Variants in RO60 observed in about 807,000 individuals in gnomAD.
The protein encoded by RO60 is Ro60, Y RNA binding protein, also known as RNA-binding protein RO60.
RO60 carries 20 observed loss-of-function variants against 55.3 expected under a neutral mutation model. The ratio of observed to expected loss-of-function variants is 0.36; its 90% CI spans 0.25 to 0.53. The LOEUF is 0.53. Ranked by LOEUF, RO60 falls within the 20% of genes least tolerant of loss-of-function variation. The pLI, the probability that RO60 is intolerant of heterozygous loss-of-function variation, is 0.92. For missense variants in RO60, 558 were observed against 646.6 expected (o/e 0.86, Z 1.49); for synonymous variants, 213 against 213.6 (o/e 1.00, Z 0.02).
chr1:193,072,750 T>C (rs1475363268), intron 2 of RO60, among the ~76,000 whole-genome samples: 2 of 152,220 alleles, frequency 1.3e-5, no homozygotes, highest in African/African-American at 4.8e-5. Context: ...GACCGCCCAT[T>C]ACTAGTTCTA....
chr1:193,075,737 CAT>C (rs1673865136), intron 2 of RO60, 81 bp from the exon 3 acceptor site: 1 of 995,054 alleles, frequency 1.0e-6, no homozygotes, highest in Admixed American at 2.4e-5. Flanking sequence ...TTATGTTGAT[CAT>C]ATAATGCATT....
chr1:193,070,657 A>G lies in RO60; in HGVS notation c.580+1023A>G, dbSNP rs1408330456. The G allele has an allele frequency of 9.7e-5, 40 of 412,224 alleles. 1 individual carries two copies. In the Admixed American group the frequency reaches 1.0e-3, roughly 11 times the overall value. 25.5% of individuals were successfully genotyped at this position (412,224 alleles called of 1,614,324 possible). On this transcript the variant is annotated intron_variant, in intron 2 of 8. Coordinates refer to ENST00000400968, the MANE Select transcript of RO60 (RefSeq NM_001173524.2). The stretch of plus-strand genomic sequence containing the variant: ...GAGTTTCTGACCTTCATCTATTAAA[A>G]GGAGGGTAAGGAGAATAAGCTTACA...
intron 6 of RO60, among the ~76,000 whole-genome samples, 185 bp downstream of exon 6, chr1:193,081,665 TG>T (rs1273915899): frequency 6.6e-6 from 1 of 152,146 alleles, no homozygotes; most frequent in Non-Finnish European, 1.5e-5. Flanking sequence ...TGAAAAAGTA[TG>T]TCTAAAGAAC....
intron 2 of RO60, among the ~76,000 whole-genome samples, chr1:193,075,258 AT>A (rs934008332): frequency 2.3e-4 from 34 of 149,098 alleles, no homozygotes; most frequent in Middle Eastern, 3.6e-3. Context: ...ATTGGAAGAA[AT>A]TGTGGAGGAA....
At position 193,089,498 on chromosome 1, in the gene RO60, T is replaced by G. The variant is rs936546381; in HGVS notation, c.*4767T>G. ...ATTCTAAGGTAGTATTTTTCATGTATAAAACTAATAATGTAGTTAAGCATA... is the reference window on the plus strand; with the variant it reads ...ATTCTAAGGTAGTATTTTTCATGTAGAAAACTAATAATGTAGTTAAGCATA... On this transcript the variant is annotated 3_prime_UTR_variant, in exon 9 of 9. Transcript: ENST00000400968. 7 of 152,176 alleles carry G rather than the reference T, an allele frequency of 4.6e-5. No individual in the cohort carries two copies. Among genetic ancestry groups the G allele is most frequent in the Non-Finnish European group, 1.0e-4 (7 of 68,012 alleles). 9.4% of individuals were successfully genotyped at this position (152,176 alleles called of 1,614,324 possible). A position where few individuals can be genotyped will look rare whatever the true frequency, so the allele number is the denominator to read the frequency against.
chr1:193,072,792 A>G (rs1196198853), intron 2 of RO60, among the ~76,000 whole-genome samples: 2 of 152,192 alleles, frequency 1.3e-5, no homozygotes, highest in Admixed American at 6.5e-5. Flanking sequence ...ACTTGTGAAA[A>G]TAATTATTCT....
At chr1:193,084,451 C>A (rs1432096951) in intron 8 of RO60, 128 bp from the exon 9 acceptor site, 1 of 1,078,088 alleles carries the variant, frequency 9.3e-7, no homozygotes, top group Non-Finnish European at 1.3e-6. Context: ...AAAGATTGAC[C>A]CCCGCAAAAA....
intron 2 of RO60, among the ~76,000 whole-genome samples, chr1:193,074,986 C>T (rs1673805026): frequency 6.6e-6 from 1 of 152,154 alleles, no homozygotes; most frequent in African/African-American, 2.4e-5. Flanking sequence ...TTCTCAAACC[C>T]CTGACCTCAG....
chr1:193,061,934 A>G (rs1348300205), intron 1 of RO60, among the ~76,000 whole-genome samples: 1 of 151,756 alleles, frequency 6.6e-6, no homozygotes, highest in African/African-American at 2.4e-5. Context: ...CAGTGAGTGG[A>G]GATCGCGCCA....
intron 1 of RO60, among the ~76,000 whole-genome samples, chr1:193,065,939 A>G (rs989718312): frequency 1.3e-5 from 2 of 152,078 alleles, no homozygotes; most frequent in Non-Finnish European, 2.9e-5. Flanking sequence ...TCATTCTCCC[A>G]TGCACTTATC....
chr1:193,062,491 G>C (rs547555435), intron 1 of RO60, among the ~76,000 whole-genome samples: 1 of 152,270 alleles, frequency 6.6e-6, no homozygotes, highest in African/African-American at 2.4e-5. Context: ...TACCTGGCTA[G>C]TTTATGTTTG....
At position 193,085,195 on chromosome 1, in the gene RO60, T is replaced by C; in HGVS notation, c.*464T>C. 1 of 1,209,960 alleles carries C rather than the reference T, an allele frequency of 8.3e-7. No homozygotes were observed. Among genetic ancestry groups the C allele is most frequent in the South Asian group, 4.0e-5 (1 of 25,288 alleles). 75.0% of individuals were successfully genotyped at this position (1,209,960 alleles called of 1,614,324 possible). ...TGTGATGAAATATGAAACTCATCTG[T>C]AAACTTTTATACCAAGGGGGTAAAA... On this transcript the variant is annotated 3_prime_UTR_variant, in exon 9 of 9. Transcript: ENST00000400968.
rs1436979661 is a variant in RO60, at chr1:193,059,884, T to C, written c.-22+108T>C. 7.3e-7 allele frequency: 1 copy of C among 1,365,306 alleles called. No individual in the cohort carries two copies. The highest frequency in any genetic ancestry group is 9.8e-7 in the Non-Finnish European group (1 of 1,021,390). The allele number at this position is 1,365,306 out of a possible 1,614,324, so 84.6% of individuals were successfully genotyped here. A position where few individuals can be genotyped will look rare whatever the true frequency, so the allele number is the denominator to read the frequency against. On this transcript the variant is annotated intron_variant, in intron 1 of 8. Transcript: ENST00000400968. The surrounding 1 kb of genome is among the most constrained non-coding windows in gnomAD (Gnocchi z 4.9). ...TCACCCGCATCCCAGGGGTTGAGGC[T>C]GGGCAAACGCCGCGAAACTATCGCT...
chr1:193,071,254 G>A (rs1005805840), intron 2 of RO60, among the ~76,000 whole-genome samples: 2 of 152,176 alleles, frequency 1.3e-5, no homozygotes, highest in Admixed American at 1.3e-4. Context: ...AACAGGCCAC[G>A]GACTGGTATC....
intron 2 of RO60, among the ~76,000 whole-genome samples, chr1:193,071,297 G>GA (rs1558240501): frequency 1.3e-5 from 2 of 152,156 alleles, no homozygotes; most frequent in Non-Finnish European, 2.9e-5. Context: ...GGCCCTTGCT[G>GA]TATATCAGAT....
In RO60 at chr1:193,090,887, T is replaced by G. The variant is rs1451440304; in HGVS notation, c.*6156T>G. The G allele has an allele frequency of 2.6e-5, 4 of 152,168 alleles. No homozygotes were observed. Among genetic ancestry groups the G allele is most frequent in the African/African-American group, 9.7e-5 (4 of 41,450 alleles). The allele number at this position is 152,168 out of a possible 1,614,324, so 9.4% of individuals were successfully genotyped here. A position where few individuals can be genotyped will look rare whatever the true frequency, so the allele number is the denominator to read the frequency against. ...AAGGGTCTTTTAGAGCTTTTAATTT[T>G]ACATAGTGAATGGAAATTTAAGTAT... On this transcript the variant is annotated 3_prime_UTR_variant, in exon 9 of 9. Transcript: ENST00000400968.
chr1:193,077,119 A>G (rs1054978213), intron 5 of RO60, 69 bp downstream of exon 5: 7 of 1,431,764 alleles, frequency 4.9e-6, no homozygotes, highest in Non-Finnish European at 6.6e-6. Flanking sequence ...AATACATTTT[A>G]AAGGTAGTAT....
chr1:193,064,872 C>G, intron 1 of RO60, among the ~76,000 whole-genome samples: 1 of 152,138 alleles, frequency 6.6e-6, no homozygotes, highest in African/African-American at 2.4e-5. Context: ...TTTAAAAGTT[C>G]ATTTTGCTGC....
At chr1:193,084,201 A>C (rs537693706) in intron 8 of RO60, among the ~76,000 whole-genome samples, 3 of 152,354 alleles carry the variant, frequency 2.0e-5, no homozygotes, top group African/African-American at 7.2e-5. Context: ...TGATCATCCC[A>C]GAGATATGTC....
Sources: allele counts gnomAD v4.1 joint callset (sites outside exome capture counted in the v4.1 genomes callset), GRCh38; gene constraint gnomAD v4.1.1; non-coding constraint Gnocchi (gnomAD v3.1); transcripts MANE v1.5; gene names NCBI Gene and HGNC (gene_info 2026-07-23, HGNC 2026-07-21).